EPHA5: variants seen among roughly 807,000 people sequenced by gnomAD.
EPHA5 encodes ephrin type-A receptor 5.
A neutral mutation model predicts 105.0 loss-of-function variants in EPHA5; 60 were observed. The ratio of observed to expected loss-of-function variants is 0.57; its 90% CI spans 0.46 to 0.71. The LOEUF (loss-of-function observed/expected upper bound fraction) is 0.71. Among genes scored for constraint, EPHA5 ranks in the 30% least tolerant of loss-of-function variants. EPHA5 has a pLI of 0.00. For missense variants in EPHA5, 1,218 were observed against 1,274.7 expected (o/e 0.96, Z 0.68); for synonymous variants, 513 against 449.1 (o/e 1.14, Z -1.80).
At chr4:65,574,617 TATATATATACAC>T (rs1740624491) in intron 3 of EPHA5, among the ~76,000 whole-genome samples, 3 of 134,456 alleles carry the variant, frequency 2.2e-5, no homozygotes, top group South Asian at 2.3e-4. Flanking sequence ...TATATACATA[TATATATATACAC>T]ATATATATAT....
At chr4:65,406,190 C>T (rs1489833276) in intron 7 of EPHA5, among the ~76,000 whole-genome samples, 1 of 152,092 alleles carries the variant, frequency 6.6e-6, no homozygotes, top group Non-Finnish European at 1.5e-5. Context: ...GCAGATATCA[C>T]CTTTAGGGAG....
chr4:65,496,937 T>A (rs1732003127), intron 3 of EPHA5, among the ~76,000 whole-genome samples: 1 of 152,186 alleles, frequency 6.6e-6, no homozygotes, highest in East Asian at 1.9e-4. Flanking sequence ...AAGCTTATCA[T>A]CAGGTAAATG....
At chr4:65,543,601 T>C (rs1737067444) in intron 3 of EPHA5, among the ~76,000 whole-genome samples, 1 of 151,998 alleles carries the variant, frequency 6.6e-6, no homozygotes, top group African/African-American at 2.4e-5. Context: ...AAACGTTCCA[T>C]TCTCATAGAT....
intron 3 of EPHA5, among the ~76,000 whole-genome samples, chr4:65,567,394 A>G (rs1295539088): frequency 6.6e-6 from 1 of 151,608 alleles, no homozygotes; most frequent in Non-Finnish European, 1.5e-5. Context: ...AAAAACATAT[A>G]CTATGTACTG....
chr4:65,476,593 G>C (rs1403564233), intron 5 of EPHA5, among the ~76,000 whole-genome samples: 3 of 152,302 alleles, frequency 2.0e-5, no homozygotes, highest in East Asian at 1.9e-4. Context: ...CACGGAGTGA[G>C]AGGAGGGATA....
chr4:65,607,712 G>C (rs917729496), intron 2 of EPHA5, among the ~76,000 whole-genome samples: 1 of 152,168 alleles, frequency 6.6e-6, no homozygotes, highest in Non-Finnish European at 1.5e-5. Context: ...GGAGAAATAG[G>C]AACACTTTTA....
chr4:65,637,810 A>G (rs1276478811), intron 2 of EPHA5, among the ~76,000 whole-genome samples: 1 of 151,914 alleles, frequency 6.6e-6, no homozygotes, highest in Non-Finnish European at 1.5e-5. Flanking sequence ...CTTCCAATAA[A>G]TATTTATTGA....
intron 3 of EPHA5, among the ~76,000 whole-genome samples, chr4:65,536,711 T>A (rs1200073842): frequency 1.3e-5 from 2 of 151,444 alleles, no homozygotes; most frequent in South Asian, 2.1e-4. Context: ...ATGAGACAAT[T>A]GTACTCTTTG....
intron 8 of EPHA5, among the ~76,000 whole-genome samples, chr4:65,372,763 C>T (rs377137066): frequency 9.8e-4 from 149 of 151,878 alleles, no homozygotes; most frequent in African/African-American, 2.8e-3. Flanking sequence ...TTATATCTTA[C>T]TTGATGTTTT....
intron 3 of EPHA5, among the ~76,000 whole-genome samples, chr4:65,504,429 C>G (rs979006322): frequency 6.6e-6 from 1 of 151,288 alleles, no homozygotes; most frequent in Admixed American, 6.6e-5. Flanking sequence ...GTTTGTCATG[C>G]TCAAGTGAAG....
At position 65,535,648 on chromosome 4, in the gene EPHA5, T is replaced by C. The variant is rs143028459; in HGVS notation, c.911-40105A>G. Among the ~76,000 whole-genome samples, 316 of 152,212 alleles carry C rather than the reference T, an allele frequency of 2.1e-3. 3 individuals carry two copies. The highest frequency in any genetic ancestry group is 7.2e-3 in the African/African-American group (301 of 41,542). On this transcript the variant is annotated intron_variant, in intron 3 of 16. Transcript: ENST00000613740. ...AAAGTTGTAGAAAAATATCAATACA[T>C]GTAAAATGTTAAGAAGTGTGCTGAA...
rs1731300741 is a variant in EPHA5, at chr4:65,490,533, GAAGGT to G, written c.1241_1245del (p.Tyr414SerfsTer25). The stretch of plus-strand genomic sequence containing the variant: ...GTGTTTTTCAGGCCGCTTTGCCGGG[GAAGGT>G]ACCTGACATGACCGCCACACTCCTC... On this transcript the variant is annotated frameshift_variant, in exon 5 of 17. Coordinates refer to ENST00000613740, the MANE Select transcript of EPHA5 (RefSeq NM_001281766.3). LOFTEE classifies it high-confidence loss of function. 1 of 1,613,998 alleles carries G rather than the reference GAAGGT, an allele frequency of 6.2e-7. No individual in the cohort carries two copies. The highest frequency in any genetic ancestry group is 8.5e-7 in the Non-Finnish European group (1 of 1,180,020).
chr4:65,574,031 C>A (rs942530008), intron 3 of EPHA5: 4 of 1,598,204 alleles, frequency 2.5e-6, no homozygotes, highest in Admixed American at 3.3e-5. Flanking sequence ...GAAGAACACA[C>A]CAGAAATTTG....
chr4:65,479,188 G>C (rs1730117004), intron 5 of EPHA5, among the ~76,000 whole-genome samples: 1 of 152,072 alleles, frequency 6.6e-6, no homozygotes, highest in African/African-American at 2.4e-5. Flanking sequence ...TAATTGTTTT[G>C]TATATTTAGC....
chr4:65,414,466 A>G (rs767245174), intron 6 of EPHA5, 23 bp from the exon 7 acceptor site: 15 of 1,608,620 alleles, frequency 9.3e-6, no homozygotes, highest in Admixed American at 1.7e-5. Context: ...ATGCATATAC[A>G]ATAAAAAAGA....
intron 8 of EPHA5, among the ~76,000 whole-genome samples, chr4:65,374,353 A>G (rs988912406): frequency 6.6e-6 from 1 of 151,978 alleles, no homozygotes; most frequent in African/African-American, 2.4e-5. Context: ...ACAACAAAGC[A>G]AGCAGGCAAC....
chr4:65,523,536 C>T (rs1310684463), intron 3 of EPHA5, among the ~76,000 whole-genome samples: 2 of 151,976 alleles, frequency 1.3e-5, no homozygotes, highest in Admixed American at 6.6e-5. Context: ...TGCTTTGCCA[C>T]TTGATGAAAA....
intron 5 of EPHA5, among the ~76,000 whole-genome samples, chr4:65,486,472 C>T (rs1730892942): frequency 6.6e-6 from 1 of 152,048 alleles, no homozygotes; most frequent in Non-Finnish European, 1.5e-5. Context: ...TTCCTGTACC[C>T]CTACAAAATC....
chr4:65,351,309 C>G, intron 13 of EPHA5, 80 bp downstream of exon 13: 2 of 1,308,530 alleles, frequency 1.5e-6, no homozygotes, highest in South Asian at 2.8e-5. Flanking sequence ...CAGGAATGCT[C>G]TTTTAGCTAT....
Sources: allele counts gnomAD v4.1 joint callset (sites outside exome capture counted in the v4.1 genomes callset), GRCh38; gene constraint gnomAD v4.1.1; transcripts MANE v1.5; gene names NCBI Gene and HGNC (gene_info 2026-07-23, HGNC 2026-07-21).